The following IMMP2L variants were observed in gnomAD, a reference collection of about 807,000 sequenced individuals.
IMMP2L encodes mitochondrial inner membrane protease subunit 2.
IMMP2L carries 18 observed loss-of-function variants against 19.3 expected under a neutral mutation model. The observed-to-expected ratio is 0.93, with a 90% CI of 0.64 to 1.38. The LOEUF (loss-of-function observed/expected upper bound fraction) is 1.38, where lower values mean the gene tolerates loss of function less well. Ranked by LOEUF, IMMP2L falls within the 40% of genes most tolerant of loss-of-function variation. IMMP2L has a pLI of 0.00. For missense variants in IMMP2L, 233 were observed against 218.2 expected (o/e 1.07, Z -0.43); for synonymous variants, 76 against 73.0 (o/e 1.04, Z -0.21).
chr7:111,501,208 G>A (rs1330480009), intron 2 of IMMP2L, among the ~76,000 whole-genome samples: 1 of 152,188 alleles, frequency 6.6e-6, no homozygotes, highest in Non-Finnish European at 1.5e-5. Flanking sequence ...CGATCAACTG[G>A]AAGAAAGGGT....
chr7:111,027,222 T>A (rs1826926706), intron 3 of IMMP2L, among the ~76,000 whole-genome samples: 1 of 152,100 alleles, frequency 6.6e-6, no homozygotes, highest in South Asian at 2.1e-4. Flanking sequence ...GAACAAACAA[T>A]ATTGTATATC....
chr7:111,444,424 C>T (rs1283105223), intron 3 of IMMP2L, among the ~76,000 whole-genome samples: 2 of 151,988 alleles, frequency 1.3e-5, no homozygotes, highest in East Asian at 1.9e-4. Flanking sequence ...CTCTCAGTGC[C>T]ATAATTTTCT....
At chr7:111,192,751 G>T (rs961615885) in intron 3 of IMMP2L, among the ~76,000 whole-genome samples, 1 of 152,042 alleles carries the variant, frequency 6.6e-6, no homozygotes, top group African/African-American at 2.4e-5. Context: ...CCAAGAGAGT[G>T]CAAAGTACAC....
At chr7:111,316,228 A>C (rs2130389829) in intron 3 of IMMP2L, among the ~76,000 whole-genome samples, 1 of 152,280 alleles carries the variant, frequency 6.6e-6, no homozygotes, top group Middle Eastern at 3.4e-3. Context: ...AGGAATTACA[A>C]CTGGGTGGAT....
At chr7:110,939,806 G>A (rs570669371) in intron 4 of IMMP2L, among the ~76,000 whole-genome samples, 13 of 152,228 alleles carry the variant, frequency 8.5e-5, no homozygotes, top group African/African-American at 2.9e-4. Context: ...AAGCTCCCAA[G>A]TGCAGCAAAA....
chr7:111,473,079 A>C (rs1841411492), intron 3 of IMMP2L, among the ~76,000 whole-genome samples: 1 of 152,242 alleles, frequency 6.6e-6, no homozygotes, highest in Admixed American at 6.5e-5. Flanking sequence ...TTGTCATTCC[A>C]AAATGACATT....
rs1418864766 is a variant in IMMP2L at position 111,270,464 on chromosome 7, G to A, written c.239+216774C>T. On this transcript the variant is annotated intron_variant, in intron 3 of 5. Coordinates refer to ENST00000405709, the MANE Select transcript of IMMP2L (RefSeq NM_032549.4). ...TCATGAGTATTGTATTTAGTGACTT[G>A]AATTCTTTTTTATGTAGATGTAGTC... Among the ~76,000 whole-genome samples the A allele has an allele frequency of 5.3e-5, 8 of 152,066 alleles. No homozygotes were observed. The East Asian group carries it at 9.6e-4, about 18-fold the overall frequency.
At chr7:111,263,860 T>A (rs991832104) in intron 3 of IMMP2L, among the ~76,000 whole-genome samples, 3 of 152,166 alleles carry the variant, frequency 2.0e-5, no homozygotes, top group Non-Finnish European at 4.4e-5. Flanking sequence ...AGAATGATCA[T>A]CTGTGCCTTT....
intron 3 of IMMP2L, among the ~76,000 whole-genome samples, chr7:111,051,159 T>C (rs1563195164): frequency 6.6e-6 from 1 of 152,058 alleles, no homozygotes; most frequent in Non-Finnish European, 1.5e-5. Flanking sequence ...ATAAACAAAC[T>C]TTTTTTTATG....
chr7:111,376,264 T>A (rs2131163742), intron 3 of IMMP2L, among the ~76,000 whole-genome samples: 1 of 152,250 alleles, frequency 6.6e-6, no homozygotes, highest in East Asian at 1.9e-4. Flanking sequence ...CATAATCTCA[T>A]TAACTTAAAA....
chr7:111,537,123 G>A (rs1454711284), intron 1 of IMMP2L, among the ~76,000 whole-genome samples: 3 of 152,110 alleles, frequency 2.0e-5, no homozygotes, highest in South Asian at 2.1e-4. Flanking sequence ...GAGTAAAGAC[G>A]TTTCTGTATA....
chr7:111,010,007 C>T (rs532881080), intron 3 of IMMP2L, among the ~76,000 whole-genome samples: 2 of 152,204 alleles, frequency 1.3e-5, no homozygotes, highest in South Asian at 4.1e-4. Flanking sequence ...AACAACCTAG[C>T]CATCAGCTGA....
intron 3 of IMMP2L, among the ~76,000 whole-genome samples, chr7:111,296,442 A>G (rs253372): frequency 0.55 from 83,369 of 151,576 alleles, 23,422 homozygotes; most frequent in South Asian, 0.71. Flanking sequence ...ACATCACTAG[A>G]TAATTAGGAA....
intron 3 of IMMP2L, among the ~76,000 whole-genome samples, chr7:110,965,219 G>A (rs1819408170): frequency 6.6e-6 from 1 of 151,934 alleles, no homozygotes; most frequent in South Asian, 2.1e-4. Flanking sequence ...CATTTAATAT[G>A]TATTTCAAAA....
At chr7:111,262,115 G>A (rs1817371490) in intron 3 of IMMP2L, among the ~76,000 whole-genome samples, 1 of 151,840 alleles carries the variant, frequency 6.6e-6, no homozygotes, top group African/African-American at 2.4e-5. Flanking sequence ...ACTATGGCTG[G>A]GTATCATTCA....
At chr7:111,427,832 A>G (rs1174518045) in intron 3 of IMMP2L, among the ~76,000 whole-genome samples, 3 of 151,882 alleles carry the variant, frequency 2.0e-5, no homozygotes, top group Non-Finnish European at 2.9e-5. Context: ...TAATGTCATT[A>G]AGAGCAAATA....
intron 3 of IMMP2L, among the ~76,000 whole-genome samples, chr7:111,227,932 T>G (rs1562948214): frequency 6.6e-6 from 1 of 152,142 alleles, no homozygotes; most frequent in Non-Finnish European, 1.5e-5. Context: ...CTACTATTAA[T>G]CTGTTGTCTC....
At chr7:111,459,515 C>T (rs1839959515) in intron 3 of IMMP2L, among the ~76,000 whole-genome samples, 1 of 151,978 alleles carries the variant, frequency 6.6e-6, no homozygotes, top group African/African-American at 2.4e-5. Context: ...ACAAACATTC[C>T]TTTATATCTT....
rs573605798 is a variant in IMMP2L at position 111,533,627 on chromosome 7, T to C, written c.-2-12178A>G. Among the ~76,000 whole-genome samples, 36 of 152,266 alleles carry C rather than the reference T, an allele frequency of 2.4e-4. 1 individual carries two copies. In the South Asian group the frequency reaches 6.8e-3, roughly 29 times the overall value. On this transcript the variant is annotated intron_variant, in intron 1 of 5. Transcript: ENST00000405709. Reference sequence around the variant, plus strand: ...AGAGAAGTTGAATTAACAAGTTATGTTGAAACAATTAGCTACAATTTGGAA... The same window carrying C: ...AGAGAAGTTGAATTAACAAGTTATGCTGAAACAATTAGCTACAATTTGGAA...
Sources: gnomAD v4.1 joint callset for allele counts (sites outside exome capture counted in the v4.1 genomes callset) on GRCh38, gnomAD v4.1.1 for gene constraint, MANE v1.5 for transcripts, NCBI Gene and HGNC (gene_info 2026-07-23, HGNC 2026-07-21) for gene names.